Variants in TTC34 observed in about 807,000 individuals in gnomAD.
The protein encoded by TTC34 is tetratricopeptide repeat domain 34, also known as tetratricopeptide repeat protein 34.
TTC34 carries 44 observed loss-of-function variants against 40.7 expected under a neutral mutation model. The observed-to-expected ratio is 1.08, with a 90% CI of 0.85 to 1.39. The LOEUF (loss-of-function observed/expected upper bound fraction) is 1.39, where lower values mean the gene tolerates loss of function less well. TTC34 is among the 40% of genes most tolerant of loss of function. The pLI is 0.00. For missense variants in TTC34, 884 were observed against 838.0 expected (o/e 1.05, Z -0.68); for synonymous variants, 422 against 398.6 (o/e 1.06, Z -0.70).
intron 6 of TTC34, among the ~76,000 whole-genome samples, chr1:2,681,996 G>C (rs1370832320): frequency 8.2e-6 from 1 of 122,124 alleles, no homozygotes; most frequent in Non-Finnish European, 1.8e-5. Context: ...CCCCAGGTGA[G>C]CATCAGACAG....
At chr1:2,750,140 G>C (rs1569688383) in intron 6 of TTC34, among the ~76,000 whole-genome samples, 1 of 146,672 alleles carries the variant, frequency 6.8e-6, no homozygotes, top group Non-Finnish European at 1.5e-5. Context: ...GTGAGCATCC[G>C]ACAGCGTGGA....
rs915116071 is a variant in TTC34, at chr1:2,799,543, C to CA, written c.784+500dup. On this transcript the variant is annotated intron_variant, in intron 2 of 8. Coordinates refer to ENST00000401095, the Ensembl canonical transcript of TTC34. ...GGGCAACAAGAATGAAACTCCATCT[C>CA]AAAAAAAAAAATGCAGCTCAGAGTA... is the stretch of plus-strand genomic sequence containing the variant. Among the ~76,000 whole-genome samples the CA allele has an allele frequency of 2.1e-3, 301 of 146,638 alleles. 1 individual carries two copies. The East Asian group carries it at 0.022, about 11-fold the overall frequency.
chr1:2,683,299 CAGAA>C (rs1640160872), intron 6 of TTC34, among the ~76,000 whole-genome samples: 1 of 147,064 alleles, frequency 6.8e-6, no homozygotes, highest in Non-Finnish European at 1.5e-5. Context: ...CAGCCTGGAA[CAGAA>C]TCCACACCCC....
rs1641466501 is a variant in TTC34, at chr1:2,755,257, C to G, written c.2226+28352G>C. 3.8e-5 allele frequency among the ~76,000 whole-genome samples: 2 copies of G among 52,312 alleles called. 1 individual carries two copies. Among genetic ancestry groups the G allele is most frequent in the Non-Finnish European group, 6.2e-5 (2 of 32,166 alleles). 34.3% of individuals were successfully genotyped at this position (52,312 alleles called of 152,430 possible). ...GCATCGGACAGCCTGGAGCAGCACC[C>G]ACACCCCCTGATGAGCATCTGACAG... is the stretch of plus-strand genomic sequence containing the variant. On this transcript the variant is annotated intron_variant, in intron 6 of 8. Transcript: ENST00000401095.
At chr1:2,754,764 G>T (rs1641447754) in intron 6 of TTC34, among the ~76,000 whole-genome samples, 1 of 150,722 alleles carries the variant, frequency 6.6e-6, no homozygotes, top group African/African-American at 2.5e-5. Flanking sequence ...TGATGGTCTG[G>T]AGCAGCACCC....
chr1:2,777,696 G>T (rs942402250), intron 6 of TTC34, among the ~76,000 whole-genome samples: 8 of 151,778 alleles, frequency 5.3e-5, no homozygotes, highest in Non-Finnish European at 1.2e-4. Flanking sequence ...CATGGGGGGG[G>T]GGGCGCAGCA....
At chr1:2,775,211 C>G (rs563204095) in intron 6 of TTC34, 194 of 149,730 alleles carry the variant, frequency 1.3e-3, no homozygotes, top group African/African-American at 4.6e-3. Context: ...ATCTGACAGT[C>G]TGGAACAGCA....
Position 2,645,154 on chromosome 1 carries a change from G to T in TTC34, c.2497+139C>A. 9.2e-7 allele frequency: 1 copy of T among 1,081,262 alleles called. No individual in the cohort carries two copies. Among genetic ancestry groups the T allele is most frequent in the Non-Finnish European group, 1.2e-6 (1 of 811,360 alleles). The allele number at this position is 1,081,262 out of a possible 1,614,324, so 67.0% of individuals were successfully genotyped here. A position where few individuals can be genotyped will look rare whatever the true frequency, so the allele number is the denominator to read the frequency against. Reference sequence around the variant, plus strand: ...CAGGGAGCAGGGCCAGAGGTCATGGGATTTGGGGTGGAAGGGACCTTGGAA... The same window carrying T: ...CAGGGAGCAGGGCCAGAGGTCATGGTATTTGGGGTGGAAGGGACCTTGGAA... On this transcript the variant is annotated intron_variant, in intron 7 of 8. Transcript: ENST00000401095. The surrounding 1 kb of genome is among the most constrained non-coding windows in gnomAD (Gnocchi z 4.7).
chr1:2,767,849 C>G (rs865972494), intron 6 of TTC34, among the ~76,000 whole-genome samples: 2 of 148,708 alleles, frequency 1.3e-5, no homozygotes, highest in African/African-American at 4.9e-5. Context: ...ACCCACACCC[C>G]CAGGTGTGCA....
In TTC34 at chr1:2,752,158, C is replaced by A; in HGVS notation, c.2226+31451G>T. 1.7e-5 allele frequency among the ~76,000 whole-genome samples: 2 copies of A among 116,970 alleles called. 1 individual carries two copies. Among genetic ancestry groups the A allele is most frequent in the Non-Finnish European group, 3.4e-5 (2 of 58,830 alleles). The allele number at this position is 116,970 out of a possible 152,430, so 76.7% of individuals were successfully genotyped here. On this transcript the variant is annotated intron_variant, in intron 6 of 8. Transcript: ENST00000401095. Reference sequence around the variant, plus strand: ...CAGGTGCGCATGTGATGGTCTGGAGCAGCACCCACACCAACAGGTGAGCAT... The same window carrying A: ...CAGGTGCGCATGTGATGGTCTGGAGAAGCACCCACACCAACAGGTGAGCAT...
rs1294006834 is a variant in TTC34, at chr1:2,673,437, C to A, written c.2227-27874G>T. Among the ~76,000 whole-genome samples, 13 of 81,204 alleles carry A rather than the reference C, an allele frequency of 1.6e-4. No individual in the cohort carries two copies. The East Asian group carries it at 2.5e-3, about 16-fold the overall frequency. The allele number at this position is 81,204 out of a possible 152,430, so 53.3% of individuals were successfully genotyped here. On this transcript the variant is annotated intron_variant, in intron 6 of 8. Coordinates refer to ENST00000401095, the Ensembl canonical transcript of TTC34. ...GATGGTTTGCGGCAACACTGACACC[C>A]ACAGGTGAGCATCTGACAGCCTGGA...
At chr1:2,692,311 T>C (rs1438282706) in intron 6 of TTC34, among the ~76,000 whole-genome samples, 1 of 44,706 alleles carries the variant, frequency 2.2e-5, no homozygotes, top group Admixed American at 2.5e-4. Flanking sequence ...ACACCCCCAG[T>C]GAGCATCTGA....
intron 6 of TTC34, among the ~76,000 whole-genome samples, chr1:2,647,554 A>G (rs1163210535): frequency 2.0e-5 from 3 of 152,202 alleles, no homozygotes; most frequent in Non-Finnish European, 4.4e-5. Flanking sequence ...GAATTGGTTG[A>G]TCCCAGGAGG....
chr1:2,677,732 C>CTGACAGCCTGGAACAGCACCCACTCA (rs1639964620), intron 6 of TTC34, among the ~76,000 whole-genome samples: 1 of 111,014 alleles, frequency 9.0e-6, no homozygotes, highest in Non-Finnish European at 2.0e-5. Context: ...CACCCTGCAC[C>CTGACAGCCTGGAACAGCACCCACTCA]CCCAGGTGAG....
chr1:2,648,177 G>T (rs1401316891), intron 6 of TTC34, among the ~76,000 whole-genome samples: 2 of 151,814 alleles, frequency 1.3e-5, no homozygotes, highest in Admixed American at 6.6e-5. Context: ...TCTTATTACG[G>T]GTCCCATTTC....
At chr1:2,656,326 G>T (rs1182038849) in intron 6 of TTC34, among the ~76,000 whole-genome samples, 116 of 148,394 alleles carry the variant, frequency 7.8e-4, no homozygotes, top group African/African-American at 2.9e-3. Flanking sequence ...GCATGCAACA[G>T]CACTCACACC....
intron 6 of TTC34, among the ~76,000 whole-genome samples, chr1:2,750,589 G>A (rs1463875042): frequency 1.4e-5 from 2 of 146,488 alleles, no homozygotes; most frequent in Non-Finnish European, 3.0e-5. Flanking sequence ...CTGACATCGT[G>A]GAGCAGCACC....
chr1:2,757,541 G>A, intron 6 of TTC34, among the ~76,000 whole-genome samples: 1 of 141,938 alleles, frequency 7.0e-6, no homozygotes, highest in East Asian at 2.0e-4. Flanking sequence ...GCCTGGAACA[G>A]CACCCACACT....
chr1:2,801,190 G>A (rs1569983179), intron 1 of TTC34, among the ~76,000 whole-genome samples: 2 of 152,194 alleles, frequency 1.3e-5, no homozygotes, highest in South Asian at 2.1e-4. Context: ...ACGGTGGCCC[G>A]AGGTGTCAGG....
Sources: allele counts gnomAD v4.1 joint callset (sites outside exome capture counted in the v4.1 genomes callset), GRCh38; gene constraint gnomAD v4.1.1; non-coding constraint Gnocchi (gnomAD v3.1); transcripts MANE v1.5; gene names NCBI Gene and HGNC (gene_info 2026-07-23, HGNC 2026-07-21).